THOC1: variants seen among roughly 807,000 people sequenced by gnomAD.
THOC1 encodes THO complex subunit 1.
THOC1 carries 29 observed loss-of-function variants against 97.3 expected under a neutral mutation model. The observed-to-expected ratio is 0.30, with a 90% CI of 0.22 to 0.41. The LOEUF (loss-of-function observed/expected upper bound fraction) is 0.41, where lower values mean the gene tolerates loss of function less well. Ranked by LOEUF, THOC1 falls within the 10% of genes least tolerant of loss-of-function variation. The pLI, the probability that THOC1 is intolerant of heterozygous loss-of-function variation, is 1.00. For missense variants in THOC1, 529 were observed against 761.9 expected, an observed-to-expected ratio of 0.69 and a Z score of 3.60; for synonymous variants, 255 against 257.0, an observed-to-expected ratio of 0.99 and a Z score of 0.07.
At chr18:224,006 G>T in intron 16 of THOC1, 78 bp downstream of exon 16, 1 of 1,040,114 alleles carries the variant, frequency 9.6e-7, no homozygotes, top group Non-Finnish European at 1.5e-6. Context: ...CTATATTTTG[G>T]ATGGAGAGTT....
chr18:260,327 T>A, intron 4 of THOC1, 23 bp from the exon 5 acceptor site: 1 of 1,407,838 alleles, frequency 7.1e-7, no homozygotes, highest in East Asian at 2.6e-5. Flanking sequence ...CACAAGCCAA[T>A]TTAAAAGTTT....
chr18:239,194 A>G (rs1027269050), intron 11 of THOC1, among the ~76,000 whole-genome samples: 12 of 152,256 alleles, frequency 7.9e-5, no homozygotes, highest in African/African-American at 2.7e-4. Context: ...GCTATCCGGT[A>G]AAGTTTTAAT....
rs1177133526 is a variant in THOC1, at chr18:252,463, C to A, written c.677+76G>T. On this transcript the variant is annotated intron_variant, in intron 9 of 20. Transcript: ENST00000261600. The stretch of plus-strand genomic sequence containing the variant: ...AATTTCTTTCCTCCTTGTCTATCTC[C>A]TCACTCCAGAGAGGATACTCAATAA... The A allele has an allele frequency of 1.0e-5, 11 of 1,097,526 alleles. No individual in the cohort carries two copies. The East Asian group carries it at 2.6e-4, about 26-fold the overall frequency. The allele number at this position is 1,097,526 out of a possible 1,614,324, so 68.0% of individuals were successfully genotyped here. A position where few individuals can be genotyped will look rare whatever the true frequency, so the allele number is the denominator to read the frequency against.
chr18:216,099 A>C (rs901616162), intron 19 of THOC1: 1 of 166,018 alleles, frequency 6.0e-6, no homozygotes. Context: ...GACTACAGGC[A>C]CGTGCCACCA....
rs1911182575 is a variant in THOC1, at chr18:223,976, G to A, written c.1304+108C>T. On this transcript the variant is annotated intron_variant, in intron 16 of 20. Coordinates refer to ENST00000261600, the MANE Select transcript of THOC1 (RefSeq NM_005131.3). ...CGGTTTGCTTTGGCTATCTATGTGT[G>A]TACCAAACACAATCTCATACTATAT... is the stretch of plus-strand genomic sequence containing the variant. The A allele has an allele frequency of 3.6e-6, 3 of 831,818 alleles. No individual in the cohort carries two copies. The South Asian group carries it at 4.8e-5, about 13-fold the overall frequency. 51.5% of individuals were successfully genotyped at this position (831,818 alleles called of 1,614,324 possible). A position where few individuals can be genotyped will look rare whatever the true frequency, so the allele number is the denominator to read the frequency against.
intron 17 of THOC1, among the ~76,000 whole-genome samples, chr18:221,897 C>T (rs574736745): frequency 2.6e-5 from 4 of 152,118 alleles, no homozygotes; most frequent in East Asian, 1.9e-4. Context: ...TATGAGCCAC[C>T]GCGCCTGGCC....
intron 16 of THOC1, 30 bp from the exon 17 acceptor site, chr18:223,535 T>A (rs1911164525): frequency 1.8e-5 from 28 of 1,518,774 alleles, no homozygotes; most frequent in Non-Finnish European, 2.4e-5. Context: ...ATAAATACAT[T>A]TTTTATGGAC....
In THOC1 at chr18:214,857, C is replaced by T. The variant is rs1910811955; in HGVS notation, c.1743G>A (p.Leu581=). The T allele has an allele frequency of 1.9e-6, 3 of 1,613,824 alleles. No individual in the cohort carries two copies. Among genetic ancestry groups the T allele is most frequent in the Non-Finnish European group, 2.5e-6 (3 of 1,179,874 alleles). ...GEQIEVFANK[L]GEQWKILAPY... ...GAGCCAGAATCTTCCATTGTTCACC[C>T]AGCTTGTTGGCAAATACCTCTATTT... The change falls in exon 21 of 21, where the codon CTG becomes CTA. Residue 581 remains leucine (L), a synonymous_variant. Coordinates refer to ENST00000261600, the MANE Select transcript of THOC1 (RefSeq NM_005131.3).
chr18:230,609 C>A (rs1445913982), intron 11 of THOC1, among the ~76,000 whole-genome samples: 2 of 152,212 alleles, frequency 1.3e-5, no homozygotes, highest in Non-Finnish European at 2.9e-5. Flanking sequence ...TAGTTAGTGA[C>A]ACAGCTGAGA....
At chr18:253,152 A>C (rs1259682519) in intron 8 of THOC1, among the ~76,000 whole-genome samples, 1 of 152,224 alleles carries the variant, frequency 6.6e-6, no homozygotes, top group Non-Finnish European at 1.5e-5. Context: ...AAGGGCAGGC[A>C]TTCTCCATGT....
rs572961998 is a variant in THOC1 at position 254,595 on chromosome 18, C to G, written c.521-240G>C. 1.3e-5 allele frequency among the ~76,000 whole-genome samples: 2 copies of G among 152,136 alleles called. No homozygotes were observed. The highest frequency in any genetic ancestry group is 2.9e-5 in the Non-Finnish European group (2 of 68,014). ...TTTTTTAAATAAATTGAATGGCAAC[C>G]CTGCATCGTGCAAGTCTATCAGCAC... On this transcript the variant is annotated intron_variant, in intron 7 of 20. Transcript: ENST00000261600. This position sits in a 1 kb window ranked among gnomAD's most constrained non-coding sequence, Gnocchi z 4.1.
chr18:265,454 T>G lies in THOC1; in HGVS notation c.128+3A>C, dbSNP rs1382576267. The stretch of plus-strand genomic sequence containing the variant: ...GTATTTTTCATAGATATCAATGCCT[T>G]ACCTGCCAGGTACCTGGCTGAAGGT... On this transcript the variant is annotated splice_donor_region_variant and intron_variant, in intron 2 of 20. Coordinates refer to ENST00000261600, the MANE Select transcript of THOC1 (RefSeq NM_005131.3). 6.3e-7 allele frequency: 1 copy of G among 1,596,556 alleles called. No homozygotes were observed. Among genetic ancestry groups the G allele is most frequent in the Non-Finnish European group, 8.5e-7 (1 of 1,171,366 alleles).
At chr18:237,329 G>A (rs1911743333) in intron 11 of THOC1, among the ~76,000 whole-genome samples, 1 of 151,920 alleles carries the variant, frequency 6.6e-6, no homozygotes, top group African/African-American at 2.4e-5. Flanking sequence ...GCTAAATTTT[G>A]TATTTTTAGT....
intron 11 of THOC1, among the ~76,000 whole-genome samples, chr18:231,251 T>C (rs1358619230): frequency 6.6e-6 from 1 of 152,178 alleles, no homozygotes; most frequent in Non-Finnish European, 1.5e-5. Context: ...ACTAGGCTAC[T>C]GTCCTTAGCT....
At chr18:218,136 C>A (rs975329313) in intron 18 of THOC1, among the ~76,000 whole-genome samples, 7 of 152,148 alleles carry the variant, frequency 4.6e-5, no homozygotes, top group African/African-American at 1.7e-4. Flanking sequence ...TAACCACATG[C>A]CCTGTAGGGT....
At chr18:236,274 G>C (rs1911679746) in intron 11 of THOC1, among the ~76,000 whole-genome samples, 1 of 151,064 alleles carries the variant, frequency 6.6e-6, no homozygotes, top group African/African-American at 2.4e-5. Context: ...AGCTTCTTAG[G>C]TCTGCTTTTT....
At chr18:227,629 C>T (rs1425904983) in intron 11 of THOC1, among the ~76,000 whole-genome samples, 3 of 152,070 alleles carry the variant, frequency 2.0e-5, no homozygotes, top group Non-Finnish European at 4.4e-5. Context: ...ACCCTGCCAT[C>T]CAGCTGTAAG....
intron 1 of THOC1, 140 bp downstream of exon 1, chr18:267,826 T>C: frequency 2.2e-6 from 2 of 893,972 alleles, no homozygotes; most frequent in Non-Finnish European, 1.6e-6. Context: ...CCCCTCAACC[T>C]CCGACGGGGC....
intron 17 of THOC1, among the ~76,000 whole-genome samples, chr18:223,123 A>G (rs1403631646): frequency 6.6e-6 from 1 of 152,168 alleles, no homozygotes; most frequent in Non-Finnish European, 1.5e-5. Flanking sequence ...TTTTGTGACT[A>G]TTAAAACCCA....
Sources: allele counts gnomAD v4.1 joint callset (sites outside exome capture counted in the v4.1 genomes callset), GRCh38; gene constraint gnomAD v4.1.1; non-coding constraint Gnocchi (gnomAD v3.1); transcripts MANE v1.5; gene names NCBI Gene and HGNC (gene_info 2026-07-23, HGNC 2026-07-21).